The following SAP130 variants were observed in gnomAD, a reference collection of about 807,000 sequenced individuals.
SAP130 encodes histone deacetylase complex subunit SAP130.
SAP130 carries 16 observed loss-of-function variants against 103.2 expected under a neutral mutation model. That is an observed-to-expected ratio of 0.16 (90% confidence interval 0.10 to 0.24). The LOEUF is 0.24. SAP130 is among the 10% of genes least tolerant of loss of function. The pLI is 1.00. For synonymous variants in SAP130, 477 were observed against 497.0 expected, an observed-to-expected ratio of 0.96 and a Z score of 0.53; for missense variants, 990 against 1,359.7, an observed-to-expected ratio of 0.73 and a Z score of 4.28.
intron 4 of SAP130, among the ~76,000 whole-genome samples, chr2:128,015,669 C>T (rs772137621): frequency 7.2e-4 from 110 of 152,188 alleles, no homozygotes; most frequent in South Asian, 1.5e-3. Context: ...AGGCTGGGTG[C>T]GGTGGCTCAT....
rs1289322761 is a variant in SAP130, at chr2:127,966,402, T to C, written c.2064-11058A>G. 2.0e-5 allele frequency among the ~76,000 whole-genome samples: 3 copies of C among 151,348 alleles called. No individual in the cohort carries two copies. The South Asian group carries it at 6.3e-4, about 32-fold the overall frequency. ...TCATTGTAAATTAGATTCTTCAGCATTATAAAGGACCCTCTGTGGGCCGGG... is the reference window on the plus strand; with the variant it reads ...TCATTGTAAATTAGATTCTTCAGCACTATAAAGGACCCTCTGTGGGCCGGG... On this transcript the variant is annotated intron_variant, in intron 15 of 20. Transcript: ENST00000643581.
intron 15 of SAP130, among the ~76,000 whole-genome samples, chr2:127,961,859 G>A (rs532310989): frequency 1.3e-5 from 2 of 152,206 alleles, no homozygotes; most frequent in African/African-American, 4.8e-5. Context: ...CTATGGGGGT[G>A]GGAGGAGGTA....
intron 14 of SAP130, among the ~76,000 whole-genome samples, chr2:127,985,630 T>C (rs982365854): frequency 4.0e-5 from 6 of 151,836 alleles, no homozygotes; most frequent in African/African-American, 7.3e-5. Context: ...CACAGTGACA[T>C]AGAAGGGGAG....
At chr2:128,024,265 G>A (rs965493039) in intron 2 of SAP130, among the ~76,000 whole-genome samples, 1 of 151,848 alleles carries the variant, frequency 6.6e-6, no homozygotes, top group Non-Finnish European at 1.5e-5. Context: ...GATTCCTTGA[G>A]GCCAGGAGTT....
rs1167724755 is a variant in SAP130, at chr2:127,942,597, A to G, written c.2902-60T>C. 9.9e-7 allele frequency: 1 copy of G among 1,010,714 alleles called. No homozygotes were observed. 62.6% of individuals were successfully genotyped at this position (1,010,714 alleles called of 1,614,324 possible). A position where few individuals can be genotyped will look rare whatever the true frequency, so the allele number is the denominator to read the frequency against. ...GGAAATATTTTTCTATGTCAACCCC[A>G]GGCAAATGAACCCACCTTCAATCAC... On this transcript the variant is annotated intron_variant, in intron 19 of 20. Coordinates refer to ENST00000643581, the MANE Select transcript of SAP130 (RefSeq NM_001330301.2). This position sits in a 1 kb window ranked among gnomAD's most constrained non-coding sequence, Gnocchi z 4.8.
At chr2:127,985,648 G>A (rs763337387) in intron 14 of SAP130, among the ~76,000 whole-genome samples, 1 of 152,090 alleles carries the variant, frequency 6.6e-6, no homozygotes, top group African/African-American at 2.4e-5. Context: ...GAGTAGGGAA[G>A]TGCTGGGAAG....
chr2:128,017,224 A>C (rs529026241), intron 3 of SAP130, among the ~76,000 whole-genome samples: 15 of 152,218 alleles, frequency 9.9e-5, no homozygotes, highest in Non-Finnish European at 1.8e-4. Context: ...TGGGAGGCTG[A>C]GGCTGCAGAA....
At chr2:128,015,525 T>C (rs1483323878) in intron 4 of SAP130, among the ~76,000 whole-genome samples, 2 of 152,210 alleles carry the variant, frequency 1.3e-5, no homozygotes, top group African/African-American at 4.8e-5. Context: ...GAAGGGAAAG[T>C]TTTTAGATTT....
chr2:127,986,104 C>T lies in SAP130; in HGVS notation c.1958+681G>A, dbSNP rs1682366590. On this transcript the variant is annotated intron_variant, in intron 14 of 20. Coordinates refer to ENST00000643581, the MANE Select transcript of SAP130 (RefSeq NM_001330301.2). This position sits in a 1 kb window ranked among gnomAD's most constrained non-coding sequence, Gnocchi z 4.7. Reference sequence around the variant, plus strand: ...AAGCCCACGTGTGATCCCATTCTTCCAGTACACCAAGGCAAGAACCCTGGG... The same window carrying T: ...AAGCCCACGTGTGATCCCATTCTTCTAGTACACCAAGGCAAGAACCCTGGG... Among the ~76,000 whole-genome samples the T allele has an allele frequency of 6.6e-6, 1 of 152,240 alleles. No individual in the cohort carries two copies. Among genetic ancestry groups the T allele is most frequent in the Non-Finnish European group, 1.5e-5 (1 of 68,044 alleles).
intron 15 of SAP130, among the ~76,000 whole-genome samples, chr2:127,973,653 A>G (rs1681251482): frequency 6.6e-6 from 1 of 152,218 alleles, no homozygotes; most frequent in Admixed American, 6.5e-5. Context: ...TGCTATTCTC[A>G]TAGCTTTCCT....
chr2:127,955,585 C>T lies in SAP130; in HGVS notation c.2064-241G>A, dbSNP rs750706187. On this transcript the variant is annotated intron_variant, in intron 15 of 20. Transcript: ENST00000643581. This position sits in a 1 kb window ranked among gnomAD's most constrained non-coding sequence, Gnocchi z 4.9. ...CACCGCAACCTCTGTCTTCTGGGCT[C>T]GAGGGATTCTCCCACCTCATCCTCC... Among the ~76,000 whole-genome samples, 68 of 152,092 alleles carry T rather than the reference C, an allele frequency of 4.5e-4. No individual in the cohort carries two copies. Among genetic ancestry groups the T allele is most frequent in the African/African-American group, 1.4e-3 (59 of 41,396 alleles).
intron 2 of SAP130, among the ~76,000 whole-genome samples, chr2:128,018,512 G>A (rs1039847507): frequency 7.0e-6 from 1 of 142,064 alleles, no homozygotes; most frequent in Non-Finnish European, 1.5e-5. Flanking sequence ...AAAAAGGATG[G>A]CTGGTGCAGT....
chr2:128,013,914 A>C (rs1028108767), intron 5 of SAP130, among the ~76,000 whole-genome samples: 7 of 152,188 alleles, frequency 4.6e-5, no homozygotes, highest in Non-Finnish European at 8.8e-5. Flanking sequence ...AATAATTATC[A>C]TCATCATTTT....
At position 128,014,783 on chromosome 2, in the gene SAP130, C is replaced by G; in HGVS notation, c.619+20G>C. 2 of 1,559,748 alleles carry G rather than the reference C, an allele frequency of 1.3e-6. No homozygotes were observed. Among genetic ancestry groups the G allele is most frequent in the Middle Eastern group, 1.7e-4 (1 of 5,962 alleles). ...TACTACTACATTTTGAGAGTTTGAA[C>G]AAAACTTGCAAGTCGTTACCTCGAG... is the stretch of plus-strand genomic sequence containing the variant. On this transcript the variant is annotated intron_variant, in intron 5 of 20. Coordinates refer to ENST00000643581, the MANE Select transcript of SAP130 (RefSeq NM_001330301.2).
In SAP130 at chr2:127,941,960, C is replaced by G. The variant is rs1416542235; in HGVS notation, c.*46G>C. 5.2e-6 allele frequency: 2 copies of G among 382,304 alleles called. No individual in the cohort carries two copies. Among genetic ancestry groups the G allele is most frequent in the South Asian group, 4.0e-5 (2 of 50,122 alleles). 23.7% of individuals were successfully genotyped at this position (382,304 alleles called of 1,614,324 possible). A position where few individuals can be genotyped will look rare whatever the true frequency, so the allele number is the denominator to read the frequency against. ...ACCAAAACCCTCCCCCCACCCCCACCATCATTCTTCATAAATTTGCTTCCA... is the reference window on the plus strand; with the variant it reads ...ACCAAAACCCTCCCCCCACCCCCACGATCATTCTTCATAAATTTGCTTCCA... On this transcript the variant is annotated 3_prime_UTR_variant, in exon 21 of 21. Coordinates refer to ENST00000643581, the MANE Select transcript of SAP130 (RefSeq NM_001330301.2).
rs369650380 is a variant in SAP130, at chr2:128,005,388, G to A, written c.869+4881C>T. On this transcript the variant is annotated intron_variant, in intron 7 of 20. Coordinates refer to ENST00000643581, the MANE Select transcript of SAP130 (RefSeq NM_001330301.2). The stretch of plus-strand genomic sequence containing the variant: ...TCCCAACACTCTGGAAGGCTGAGGT[G>A]GGTAAATCACCTGAGGTCAGGAGTT... 3.3e-4 allele frequency among the ~76,000 whole-genome samples: 50 copies of A among 152,156 alleles called. 1 individual carries two copies. In the South Asian group the frequency reaches 6.2e-3, roughly 19 times the overall value.
chr2:128,013,033 G>T lies in SAP130; in HGVS notation c.741C>A (p.Ile247=), dbSNP rs376669821. The T allele has an allele frequency of 2.7e-5, 44 of 1,608,080 alleles. No homozygotes were observed. Among genetic ancestry groups the T allele is most frequent in the Middle Eastern group, 1.6e-4 (1 of 6,072 alleles). Residue 247 remains isoleucine (I), a synonymous_variant, in exon 6 of 21, where the codon ATC becomes ATA. Transcript: ENST00000643581. ...TGCACCCCAGGCTCCGACGTGCCTG[G>T]ATTGGTTGGTGAATGATGTGCTGTA... The part of the protein sequence containing the change: ...PAVQHIIHQP[I]QSRPPVTTSN...
chr2:128,009,172 C>T (rs928901483), intron 7 of SAP130, among the ~76,000 whole-genome samples: 2 of 152,138 alleles, frequency 1.3e-5, no homozygotes, highest in Admixed American at 6.5e-5. Context: ...TTGACTCTAT[C>T]CTTCAAAATC....
intron 16 of SAP130, 85 bp from the exon 17 acceptor site, chr2:127,950,493 T>C: frequency 6.9e-7 from 1 of 1,457,104 alleles, no homozygotes; most frequent in Non-Finnish European, 9.5e-7. Flanking sequence ...CAAAGATGAT[T>C]AAGAAGACAG....
Sources: allele counts gnomAD v4.1 joint callset (sites outside exome capture counted in the v4.1 genomes callset), GRCh38; gene constraint gnomAD v4.1.1; non-coding constraint Gnocchi (gnomAD v3.1); transcripts MANE v1.5; gene names NCBI Gene and HGNC (gene_info 2026-07-23, HGNC 2026-07-21).